The following MED27 variants were observed in gnomAD, a reference collection of about 807,000 sequenced individuals.
MED27 encodes mediator of RNA polymerase II transcription subunit 27.
In MED27, 30 loss-of-function variants were observed where a neutral mutation model predicts 38.2. The observed-to-expected ratio is 0.79, with a 90% CI of 0.59 to 1.07. The LOEUF (loss-of-function observed/expected upper bound fraction) is 1.07, where lower values mean the gene tolerates loss of function less well. Among genes scored for constraint, MED27 ranks in the 50% least tolerant of loss-of-function variants. The pLI, the probability that MED27 is intolerant of heterozygous loss-of-function variation, is 0.00. For missense variants in MED27, 289 were observed against 397.5 expected, an observed-to-expected ratio of 0.73 and a Z score of 2.32; for synonymous variants, 122 against 153.5, an observed-to-expected ratio of 0.79 and a Z score of 1.52.
chr9:131,908,102 C>T (rs1830106939), intron 4 of MED27, among the ~76,000 whole-genome samples: 1 of 151,260 alleles, frequency 6.6e-6, no homozygotes, highest in South Asian at 2.1e-4. Flanking sequence ...CTCCGCCCGG[C>T]AGCCACCCTG....
intron 3 of MED27, among the ~76,000 whole-genome samples, chr9:131,954,989 C>T (rs1831068083): frequency 6.6e-6 from 1 of 152,072 alleles, no homozygotes; most frequent in South Asian, 2.1e-4. Context: ...CATATATATT[C>T]TATATCCCAA....
intron 2 of MED27, among the ~76,000 whole-genome samples, chr9:132,044,409 T>C (rs1833286803): frequency 6.6e-6 from 1 of 152,194 alleles, no homozygotes; most frequent in East Asian, 1.9e-4. Flanking sequence ...TCCCAGCGCT[T>C]TTTCAGTGAT....
Position 131,889,526 on chromosome 9 carries a change from T to C in MED27, c.681+4359A>G. 6.6e-6 allele frequency among the ~76,000 whole-genome samples: 1 copy of C among 152,218 alleles called. No homozygotes were observed. The highest frequency in any genetic ancestry group is 1.9e-4 in the East Asian group (1 of 5,204). ...ACAATGAATAAGTGGTTGGTAAGTC[T>C]GAAAAGCATTTTTATTTTATTAGAG... On this transcript the variant is annotated intron_variant, in intron 5 of 7. Transcript: ENST00000292035. The surrounding 1 kb of genome is among the most constrained non-coding windows in gnomAD (Gnocchi z 4.2).
At chr9:132,016,536 C>T (rs1275880764) in intron 2 of MED27, among the ~76,000 whole-genome samples, 1 of 152,122 alleles carries the variant, frequency 6.6e-6, no homozygotes, top group Non-Finnish European at 1.5e-5. Flanking sequence ...AGGCAAGGGA[C>T]AGTACAAGTT....
chr9:131,877,225 T>A (rs1332478534), intron 6 of MED27, among the ~76,000 whole-genome samples: 1 of 152,094 alleles, frequency 6.6e-6, no homozygotes, highest in Non-Finnish European at 1.5e-5. Flanking sequence ...AAGAGAGGCT[T>A]TGGGAAGGAA....
intron 3 of MED27, among the ~76,000 whole-genome samples, chr9:131,957,158 A>C (rs535859600): frequency 1.4e-4 from 22 of 152,210 alleles, no homozygotes; most frequent in Admixed American, 1.4e-3. Flanking sequence ...CACATACAAC[A>C]TAAGATTCAA....
intron 2 of MED27, among the ~76,000 whole-genome samples, chr9:132,031,179 C>T (rs1032834699): frequency 6.6e-6 from 1 of 152,216 alleles, no homozygotes; most frequent in Non-Finnish European, 1.5e-5. Flanking sequence ...AGGTGGTGTC[C>T]TCTCTGGAGA....
intron 4 of MED27, among the ~76,000 whole-genome samples, chr9:131,918,855 C>A (rs1463364408): frequency 2.0e-5 from 3 of 152,166 alleles, no homozygotes; most frequent in Non-Finnish European, 4.4e-5. Flanking sequence ...AGCAGAAAGC[C>A]TACGGAGAAC....
chr9:131,953,718 A>G (rs1305514050), intron 3 of MED27, among the ~76,000 whole-genome samples: 1 of 152,182 alleles, frequency 6.6e-6, no homozygotes, highest in Non-Finnish European at 1.5e-5. Context: ...TCTTACAGTA[A>G]GGCAGGTAAT....
intron 2 of MED27, among the ~76,000 whole-genome samples, chr9:132,049,228 C>T (rs1308218270): frequency 6.6e-6 from 1 of 152,192 alleles, no homozygotes; most frequent in Non-Finnish European, 1.5e-5. Context: ...CAGAAAACTT[C>T]AACCTCAGCA....
chr9:132,054,380 C>T (rs897632388), intron 2 of MED27, among the ~76,000 whole-genome samples: 7 of 152,168 alleles, frequency 4.6e-5, no homozygotes, highest in African/African-American at 9.7e-5. Flanking sequence ...GCAGATGTCC[C>T]GCCACGCTTG....
intron 2 of MED27, among the ~76,000 whole-genome samples, chr9:132,046,453 T>C (rs1686202308): frequency 6.6e-6 from 1 of 152,184 alleles, no homozygotes; most frequent in Non-Finnish European, 1.5e-5. Context: ...AATCCATACA[T>C]TATTCTGGAT....
At chr9:131,907,807 AG>A (rs1419740846) in intron 4 of MED27, among the ~76,000 whole-genome samples, 1 of 145,392 alleles carries the variant, frequency 6.9e-6, no homozygotes, top group Non-Finnish European at 1.5e-5. Flanking sequence ...ACATCTAGGA[AG>A]TGAGGAGCAT....
At chr9:131,936,648 C>T (rs1365744825) in intron 4 of MED27, among the ~76,000 whole-genome samples, 4 of 152,240 alleles carry the variant, frequency 2.6e-5, no homozygotes, top group Admixed American at 6.5e-5. Flanking sequence ...CCCTAAAAAA[C>T]GTTGTCCTGA....
chr9:132,047,852 A>T (rs1833376609), intron 2 of MED27, among the ~76,000 whole-genome samples: 1 of 152,198 alleles, frequency 6.6e-6, no homozygotes, highest in South Asian at 2.1e-4. Context: ...TCAAGAATGA[A>T]CACAACAAAG....
chr9:131,892,081 G>T (rs1839238889), intron 5 of MED27, among the ~76,000 whole-genome samples: 1 of 152,124 alleles, frequency 6.6e-6, no homozygotes. Context: ...GTCTGATCTA[G>T]AAACAAATCA....
At chr9:131,955,769 AC>A (rs1344874749) in intron 3 of MED27, among the ~76,000 whole-genome samples, 8 of 152,214 alleles carry the variant, frequency 5.3e-5, no homozygotes, top group African/African-American at 1.9e-4. Flanking sequence ...AAAACTCCAG[AC>A]CCACACAGAT....
chr9:131,968,806 G>A (rs948261377), intron 3 of MED27, among the ~76,000 whole-genome samples: 22 of 152,292 alleles, frequency 1.4e-4, no homozygotes, highest in African/African-American at 3.4e-4. Flanking sequence ...GTGGGCGAGC[G>A]AGCAAAGCTT....
chr9:132,008,409 C>T (rs1356691271), intron 3 of MED27, among the ~76,000 whole-genome samples: 1 of 152,180 alleles, frequency 6.6e-6, no homozygotes, highest in African/African-American at 2.4e-5. Context: ...AACGATAGCA[C>T]CCCTTGTGCA....
Sources: allele counts gnomAD v4.1 joint callset (sites outside exome capture counted in the v4.1 genomes callset), GRCh38; gene constraint gnomAD v4.1.1; non-coding constraint Gnocchi (gnomAD v3.1); transcripts MANE v1.5; gene names NCBI Gene and HGNC (gene_info 2026-07-23, HGNC 2026-07-21).